Variants in HOOK1 observed in about 807,000 individuals in gnomAD.
The protein encoded by HOOK1 is hook microtubule tethering protein 1, also known as protein Hook homolog 1.
HOOK1 carries 60 observed loss-of-function variants against 112.8 expected under a neutral mutation model. The observed-to-expected ratio is 0.53, with a 90% CI of 0.43 to 0.66. HOOK1 has a LOEUF of 0.66. Among genes scored for constraint, HOOK1 ranks in the 30% least tolerant of loss-of-function variants. The pLI, the probability that HOOK1 is intolerant of heterozygous loss-of-function variation, is 0.00. For synonymous variants in HOOK1, 294 were observed against 283.8 expected, an observed-to-expected ratio of 1.04 and a Z score of -0.36; for missense variants, 770 against 856.0, an observed-to-expected ratio of 0.90 and a Z score of 1.25.
Position 59,857,073 on chromosome 1 carries a change from G to A in HOOK1, c.1243-1355G>A, listed in dbSNP as rs188106729. On this transcript the variant is annotated intron_variant, in intron 12 of 21. Coordinates refer to ENST00000371208, the MANE Select transcript of HOOK1 (RefSeq NM_015888.6). ...CCTTCAGTACCTGTGGTGGCAAACA[G>A]TTGCTGATGATTCTATTTGCCAAAT... Among the ~76,000 whole-genome samples the A allele has an allele frequency of 7.5e-3, 1,145 of 152,276 alleles. 13 individuals carry two copies. The highest frequency in any genetic ancestry group is 0.012 in the Non-Finnish European group (805 of 68,012).
At position 59,875,218 on chromosome 1, in the gene HOOK1, C is replaced by T. The variant is rs1177651501; in HGVS notation, c.*2253C>T. On this transcript the variant is annotated 3_prime_UTR_variant, in exon 22 of 22. Transcript: ENST00000371208. ...TAACTTTAATAAATTAGTGTTTTCA[C>T]AGATCAGATCATTATACTTGGAACT... is the stretch of plus-strand genomic sequence containing the variant. The T allele has an allele frequency of 6.6e-6, 1 of 152,446 alleles. No individual in the cohort carries two copies. Among genetic ancestry groups the T allele is most frequent in the Non-Finnish European group, 1.5e-5 (1 of 67,980 alleles). 9.4% of individuals were successfully genotyped at this position (152,446 alleles called of 1,614,324 possible).
At position 59,848,582 on chromosome 1, in the gene HOOK1, G is replaced by A. The variant is rs1574204340; in HGVS notation, c.1131+66G>A. On this transcript the variant is annotated intron_variant, in intron 11 of 21. Coordinates refer to ENST00000371208, the MANE Select transcript of HOOK1 (RefSeq NM_015888.6). The stretch of plus-strand genomic sequence containing the variant: ...GTTTAACTTTGTTATTCCTTTTGAT[G>A]TCTTAAGAATGGTAAAGAAATTGAG... 14 of 1,130,994 alleles carry A rather than the reference G, an allele frequency of 1.2e-5. No homozygotes were observed. The East Asian group carries it at 3.3e-4, about 27-fold the overall frequency. 70.1% of individuals were successfully genotyped at this position (1,130,994 alleles called of 1,614,324 possible).
At chr1:59,815,256 G>C (rs1403189700) in intron 1 of HOOK1, 76 bp downstream of exon 1, 3 of 1,380,044 alleles carry the variant, frequency 2.2e-6, no homozygotes, top group Non-Finnish European at 3.0e-6. Context: ...GTTCTCCCAG[G>C]TGAGCTGGGG....
rs570069959 is a variant in HOOK1 at position 59,859,845 on chromosome 1, C to T, written c.1392-343C>T. On this transcript the variant is annotated intron_variant, in intron 14 of 21. Transcript: ENST00000371208. ...AGCATATACTATTTGTTTCCTTTAG[C>T]GAATAGTTTCTAAATTACCAAAGTA... Among the ~76,000 whole-genome samples the T allele has an allele frequency of 1.6e-4, 25 of 151,916 alleles. No homozygotes were observed. The South Asian group carries it at 4.6e-3, about 28-fold the overall frequency.
At chr1:59,824,726 G>A (rs1399242832) in intron 2 of HOOK1, among the ~76,000 whole-genome samples, 1 of 152,162 alleles carries the variant, frequency 6.6e-6, no homozygotes, top group African/African-American at 2.4e-5. Flanking sequence ...GACATAAAGA[G>A]TCATGGAGTT....
chr1:59,870,296 G>A (rs3768003), intron 20 of HOOK1, among the ~76,000 whole-genome samples: 14,393 of 152,168 alleles, frequency 0.095, 686 homozygotes, highest in Admixed American at 0.12. Flanking sequence ...TAATTTGTGC[G>A]TATTCATCTA....
rs1644107910 is a variant in HOOK1, at chr1:59,874,775, A to G, written c.*1810A>G. 6.6e-6 allele frequency: 1 copy of G among 152,490 alleles called. No individual in the cohort carries two copies. Among genetic ancestry groups the G allele is most frequent in the Non-Finnish European group, 1.5e-5 (1 of 67,990 alleles). The allele number at this position is 152,490 out of a possible 1,614,324, so 9.4% of individuals were successfully genotyped here. On this transcript the variant is annotated 3_prime_UTR_variant, in exon 22 of 22. Coordinates refer to ENST00000371208, the MANE Select transcript of HOOK1 (RefSeq NM_015888.6). ...GCAAATACAGTGTGAGTATTGTTCC[A>G]TTTACAGTATTATTATTTTTTAGAT...
chr1:59,829,163 A>G (rs2098392078), intron 3 of HOOK1, among the ~76,000 whole-genome samples: 2 of 147,514 alleles, frequency 1.4e-5, no homozygotes, highest in South Asian at 2.1e-4. Context: ...GAATCATATA[A>G]TATGTACTCT....
intron 7 of HOOK1, among the ~76,000 whole-genome samples, chr1:59,838,161 G>A (rs982046271): frequency 6.6e-6 from 1 of 152,168 alleles, no homozygotes; most frequent in East Asian, 1.9e-4. Flanking sequence ...AAATACGTGT[G>A]CATTTGTCTT....
At chr1:59,855,223 G>A (rs1246704817) in intron 12 of HOOK1, among the ~76,000 whole-genome samples, 1 of 152,204 alleles carries the variant, frequency 6.6e-6, no homozygotes, top group Non-Finnish European at 1.5e-5. Flanking sequence ...CGTAAAGATT[G>A]TTTCCTCAAC....
chr1:59,859,090 A>T lies in HOOK1; in HGVS notation c.1391+45A>T, dbSNP rs779820523. The T allele has an allele frequency of 3.0e-5, 29 of 972,834 alleles. No homozygotes were observed. The East Asian group carries it at 5.4e-4, about 18-fold the overall frequency. 60.3% of individuals were successfully genotyped at this position (972,834 alleles called of 1,614,324 possible). ...TGATAGAATTATATTTAATATTATA[A>T]TTTTTTTGTTTTTTGTAAATGTCTT... is the stretch of plus-strand genomic sequence containing the variant. On this transcript the variant is annotated intron_variant, in intron 14 of 21. Transcript: ENST00000371208.
At chr1:59,827,924 A>G (rs191365604) in intron 2 of HOOK1, among the ~76,000 whole-genome samples, 1 of 152,310 alleles carries the variant, frequency 6.6e-6, no homozygotes, top group East Asian at 1.9e-4. Flanking sequence ...CTCTTCCAGC[A>G]TAAACATTCT....
At chr1:59,849,613 G>T (rs1407302814) in intron 12 of HOOK1, among the ~76,000 whole-genome samples, 1 of 151,488 alleles carries the variant, frequency 6.6e-6, no homozygotes, top group African/African-American at 2.4e-5. Flanking sequence ...ACTCTAAAAA[G>T]AAACCTCATG....
chr1:59,828,272 C>T (rs1287648856), intron 2 of HOOK1, among the ~76,000 whole-genome samples: 3 of 152,096 alleles, frequency 2.0e-5, no homozygotes, highest in Admixed American at 2.0e-4. Context: ...TCTTTGTAGA[C>T]TTCTCATTTA....
At chr1:59,861,055 C>T (rs970237396) in intron 15 of HOOK1, among the ~76,000 whole-genome samples, 2 of 151,962 alleles carry the variant, frequency 1.3e-5, no homozygotes, top group Admixed American at 6.6e-5. Context: ...GGATTACAGG[C>T]GTGAGCCACC....
Position 59,862,614 on chromosome 1 carries a change from G to C in HOOK1, c.1533-170G>C, listed in dbSNP as rs568966673. Among the ~76,000 whole-genome samples, 11 of 152,234 alleles carry C rather than the reference G, an allele frequency of 7.2e-5. No individual in the cohort carries two copies. The South Asian group carries it at 1.7e-3, about 23-fold the overall frequency. On this transcript the variant is annotated intron_variant, in intron 15 of 21. Transcript: ENST00000371208. ...TTTTCTTTTAAAAAGTATTTTCTTAGAAGTAGCCTGCCCTACTTCATATTG... is the reference window on the plus strand; with the variant it reads ...TTTTCTTTTAAAAAGTATTTTCTTACAAGTAGCCTGCCCTACTTCATATTG...
intron 18 of HOOK1, among the ~76,000 whole-genome samples, 166 bp downstream of exon 18, chr1:59,865,411 T>C (rs764605049): frequency 3.4e-4 from 52 of 152,158 alleles, no homozygotes; most frequent in Non-Finnish European, 3.7e-4. Context: ...TAATAAAAGA[T>C]ATATTATTAA....
At chr1:59,837,794 C>G (rs1429261023) in intron 7 of HOOK1, among the ~76,000 whole-genome samples, 1 of 151,948 alleles carries the variant, frequency 6.6e-6, no homozygotes, top group Non-Finnish European at 1.5e-5. Flanking sequence ...TTGCTGCACC[C>G]GTCAACCTGT....
chr1:59,854,031 TA>T lies in HOOK1; in HGVS notation c.1243-4396del, dbSNP rs1233418697. Among the ~76,000 whole-genome samples the T allele has an allele frequency of 5.4e-3, 162 of 29,876 alleles. 1 individual carries two copies. The highest frequency in any genetic ancestry group is 7.7e-3 in the African/African-American group (46 of 5,980). 19.6% of individuals were successfully genotyped at this position (29,876 alleles called of 152,430 possible). A position where few individuals can be genotyped will look rare whatever the true frequency, so the allele number is the denominator to read the frequency against. On this transcript the variant is annotated intron_variant, in intron 12 of 21. Coordinates refer to ENST00000371208, the MANE Select transcript of HOOK1 (RefSeq NM_015888.6). ...ATATATATATATATATATATATATA[TA>T]TATATATTTTTTTTTTTTTTTTTTT...
Sources: allele counts gnomAD v4.1 joint callset (sites outside exome capture counted in the v4.1 genomes callset), GRCh38; gene constraint gnomAD v4.1.1; transcripts MANE v1.5; gene names NCBI Gene and HGNC (gene_info 2026-07-23, HGNC 2026-07-21).